The following TAFA1 variants were observed in gnomAD, a reference collection of about 807,000 sequenced individuals.
TAFA1 encodes chemokine-like protein TAFA-1.
Under a neutral mutation model 18.5 loss-of-function variants are expected in TAFA1, and 4 were observed. The observed-to-expected ratio is 0.22, with a 90% CI of 0.11 to 0.49. The LOEUF (loss-of-function observed/expected upper bound fraction) is 0.49, where lower values mean the gene tolerates loss of function less well. Among genes scored for constraint, TAFA1 ranks in the 20% least tolerant of loss-of-function variants. The pLI is 0.98. For synonymous variants in TAFA1, 56 were observed against 55.2 expected (o/e 1.01, Z -0.06); for missense variants, 147 against 169.0 (o/e 0.87, Z 0.72).
In TAFA1 at chr3:68,544,533, C is replaced by A. The variant is rs1437229516; in HGVS notation, c.*30C>A. The A allele has an allele frequency of 2.5e-6, 4 of 1,608,986 alleles. No homozygotes were observed. The highest frequency in any genetic ancestry group is 1.7e-5 in the Admixed American group (1 of 59,796). On this transcript the variant is annotated 3_prime_UTR_variant, in exon 5 of 5. Coordinates refer to ENST00000478136, the MANE Select transcript of TAFA1 (RefSeq NM_213609.4). ...AGCATTTGTGGTAGTAAAGGAAAAC[C>A]AACCCTCTGGAAAATACATTTTGAG... is the stretch of plus-strand genomic sequence containing the variant.
intron 2 of TAFA1, among the ~76,000 whole-genome samples, chr3:68,081,188 A>G (rs1026334983): frequency 1.3e-4 from 20 of 151,904 alleles, no homozygotes; most frequent in Admixed American, 1.3e-4. Context: ...ACTTCTTTGT[A>G]TTGGTTATTG....
chr3:68,244,451 T>C (rs752007734), intron 2 of TAFA1, among the ~76,000 whole-genome samples: 6 of 152,248 alleles, frequency 3.9e-5, no homozygotes, highest in African/African-American at 7.2e-5. Context: ...TTTATGTTTA[T>C]GCTTATTTCT....
At chr3:68,462,546 A>G (rs1464222345) in intron 3 of TAFA1, among the ~76,000 whole-genome samples, 1 of 152,184 alleles carries the variant, frequency 6.6e-6, no homozygotes, top group Non-Finnish European at 1.5e-5. Context: ...TGTATTGACT[A>G]TGTCTTTATT....
At chr3:68,027,132 C>T (rs73837243) in intron 2 of TAFA1, among the ~76,000 whole-genome samples, 4,395 of 152,146 alleles carry the variant, frequency 0.029, 90 homozygotes, top group East Asian at 0.12. Context: ...CACCTCCCAC[C>T]AGGCCCCACC....
chr3:68,225,746 T>C lies in TAFA1; in HGVS notation c.119-191534T>C, dbSNP rs73836806. On this transcript the variant is annotated intron_variant, in intron 2 of 4. Coordinates refer to ENST00000478136, the MANE Select transcript of TAFA1 (RefSeq NM_213609.4). Reference sequence around the variant, plus strand: ...TTCTCTAAGCTTGAATTTCCACATCTTAAATTCTTCTTTGTCTTTATTCTT... The same window carrying C: ...TTCTCTAAGCTTGAATTTCCACATCCTAAATTCTTCTTTGTCTTTATTCTT... Among the ~76,000 whole-genome samples, 1,408 of 152,288 alleles carry C rather than the reference T, an allele frequency of 9.2e-3. 18 individuals are homozygous for C. The highest frequency in any genetic ancestry group is 0.03 in the African/African-American group (1,250 of 41,558).
At chr3:68,437,666 G>A (rs1474229545) in intron 3 of TAFA1, among the ~76,000 whole-genome samples, 1 of 151,994 alleles carries the variant, frequency 6.6e-6, no homozygotes, top group Non-Finnish European at 1.5e-5. Context: ...ATTAAGAAAT[G>A]AATTCATTGA....
intron 2 of TAFA1, among the ~76,000 whole-genome samples, chr3:68,306,237 G>T (rs1311207929): frequency 6.6e-6 from 1 of 152,140 alleles, no homozygotes; most frequent in Admixed American, 6.5e-5. Flanking sequence ...CCAGGTAGTT[G>T]TATTTCTTTA....
intron 2 of TAFA1, among the ~76,000 whole-genome samples, chr3:68,260,097 T>G (rs1193266796): frequency 6.6e-6 from 1 of 152,214 alleles, no homozygotes; most frequent in East Asian, 1.9e-4. Context: ...CTCTTATTAT[T>G]TTGAGATACG....
chr3:68,123,004 C>CTT (rs76838288), intron 2 of TAFA1, among the ~76,000 whole-genome samples: 1 of 151,052 alleles, frequency 6.6e-6, no homozygotes, highest in Non-Finnish European at 1.5e-5. Context: ...AAAAAAAACC[C>CTT]TTTTTTTTCC....
intron 2 of TAFA1, among the ~76,000 whole-genome samples, chr3:68,114,831 G>A (rs1016842525): frequency 2.0e-5 from 3 of 152,058 alleles, no homozygotes; most frequent in African/African-American, 7.2e-5. Context: ...AATGGATAGT[G>A]ATATACTCAT....
intron 2 of TAFA1, among the ~76,000 whole-genome samples, chr3:68,222,653 G>A (rs1469178568): frequency 6.6e-6 from 1 of 152,042 alleles, no homozygotes; most frequent in East Asian, 1.9e-4. Context: ...TTTTTGGGGA[G>A]GGTGGAGAGT....
At chr3:68,375,951 G>T (rs568505913) in intron 2 of TAFA1, among the ~76,000 whole-genome samples, 4 of 152,272 alleles carry the variant, frequency 2.6e-5, no homozygotes, top group African/African-American at 9.6e-5. Context: ...TAAAGCCTTC[G>T]AAAGGCACAG....
At position 68,125,457 on chromosome 3, in the gene TAFA1, C is replaced by A. The variant is rs188630141; in HGVS notation, c.118+118713C>A. Among the ~76,000 whole-genome samples, 126 of 152,278 alleles carry A rather than the reference C, an allele frequency of 8.3e-4. 1 individual carries two copies. The highest frequency in any genetic ancestry group is 2.8e-3 in the African/African-American group (116 of 41,546). On this transcript the variant is annotated intron_variant, in intron 2 of 4. Coordinates refer to ENST00000478136, the MANE Select transcript of TAFA1 (RefSeq NM_213609.4). ...CAAAAAGCGAAAGTGAATCTCACCACCAAATCTGTTTATTTGGTTTGTGGC... is the reference window on the plus strand; with the variant it reads ...CAAAAAGCGAAAGTGAATCTCACCAACAAATCTGTTTATTTGGTTTGTGGC...
chr3:68,179,369 T>G (rs1175253201), intron 2 of TAFA1, among the ~76,000 whole-genome samples: 2 of 152,214 alleles, frequency 1.3e-5, no homozygotes, highest in African/African-American at 4.8e-5. Flanking sequence ...AGTGCACAAG[T>G]ATTACAGAAT....
chr3:68,182,200 C>A (rs527831998), intron 2 of TAFA1, among the ~76,000 whole-genome samples: 1 of 152,236 alleles, frequency 6.6e-6, no homozygotes, highest in South Asian at 2.1e-4. Flanking sequence ...CAGAGTGAGA[C>A]CCTGTCTCAA....
chr3:68,401,221 G>T (rs2070482427), intron 2 of TAFA1, among the ~76,000 whole-genome samples: 1 of 152,154 alleles, frequency 6.6e-6, no homozygotes, highest in African/African-American at 2.4e-5. Context: ...CAATCAGGAG[G>T]TTAAGGAGGG....
chr3:68,504,202 A>G (rs2072709680), intron 3 of TAFA1, among the ~76,000 whole-genome samples: 1 of 152,138 alleles, frequency 6.6e-6, no homozygotes, highest in Admixed American at 6.6e-5. Flanking sequence ...ACATTATTCC[A>G]TAAGGATCTT....
chr3:68,091,524 T>C (rs1239279006), intron 2 of TAFA1, among the ~76,000 whole-genome samples: 1 of 152,158 alleles, frequency 6.6e-6, no homozygotes, highest in African/African-American at 2.4e-5. Flanking sequence ...AGTCATTTGG[T>C]ATAAAATAAT....
chr3:68,122,808 A>ATG (rs554984931), intron 2 of TAFA1, among the ~76,000 whole-genome samples: 5 of 151,306 alleles, frequency 3.3e-5, no homozygotes, highest in East Asian at 1.9e-4. Flanking sequence ...GTATATATAT[A>ATG]TGTGTGTGTG....
Sources: allele counts gnomAD v4.1 joint callset (sites outside exome capture counted in the v4.1 genomes callset), GRCh38; gene constraint gnomAD v4.1.1; transcripts MANE v1.5; gene names NCBI Gene and HGNC (gene_info 2026-07-23, HGNC 2026-07-21).